Variants in COL15A1 observed in about 807,000 individuals in gnomAD.
The protein encoded by COL15A1 is collagen alpha-1(XV) chain.
COL15A1 carries 111 observed loss-of-function variants against 165.9 expected under a neutral mutation model. The observed-to-expected ratio is 0.67, with a 90% CI of 0.57 to 0.78. The LOEUF (loss-of-function observed/expected upper bound fraction) is 0.78. COL15A1 is among the 30% of genes least tolerant of loss of function. The pLI, the probability that COL15A1 is intolerant of heterozygous loss-of-function variation, is 0.00. For synonymous variants in COL15A1, 659 were observed against 674.8 expected, an observed-to-expected ratio of 0.98 and a Z score of 0.36; for missense variants, 1,745 against 1,789.7, an observed-to-expected ratio of 0.98 and a Z score of 0.45.
chr9:98,946,534 A>T (rs1258581814), intron 2 of COL15A1, among the ~76,000 whole-genome samples: 1 of 152,142 alleles, frequency 6.6e-6, no homozygotes. Context: ...TGAGAAGTAA[A>T]TTGGGCTCTG....
chr9:98,950,427 T>A (rs1477985254), intron 2 of COL15A1, among the ~76,000 whole-genome samples: 1 of 152,034 alleles, frequency 6.6e-6, no homozygotes, highest in African/African-American at 2.4e-5. Context: ...AATTCTTTCT[T>A]TCTTTCTTTT....
At chr9:99,054,086 A>C (rs12000479) in intron 31 of COL15A1, among the ~76,000 whole-genome samples, 1,690 of 152,324 alleles carry the variant, frequency 0.011, 21 homozygotes, top group African/African-American at 0.039. Flanking sequence ...CATGGTGGGC[A>C]TTCTCACAAC....
chr9:98,979,676 C>T (rs1016599016), intron 2 of COL15A1, among the ~76,000 whole-genome samples: 1 of 149,838 alleles, frequency 6.7e-6, no homozygotes. Flanking sequence ...TTTATTAGTT[C>T]TATGCAGAAC....
At chr9:99,006,249 G>A (rs1245806953) in intron 9 of COL15A1, among the ~76,000 whole-genome samples, 3 of 152,168 alleles carry the variant, frequency 2.0e-5, no homozygotes, top group Non-Finnish European at 4.4e-5. Context: ...AATGAACTTG[G>A]CAAATAGTTC....
intron 11 of COL15A1, among the ~76,000 whole-genome samples, chr9:99,019,686 C>G (rs975054730): frequency 1.3e-5 from 2 of 151,854 alleles, no homozygotes; most frequent in Non-Finnish European, 2.9e-5. Flanking sequence ...CTTCACTTCT[C>G]TCTGTCACAG....
rs1825781804 is a variant in COL15A1, at chr9:99,059,900, C to G, written c.3349C>G (p.Pro1117Ala). Residue 1117 changes from proline (P) to alanine (A), a missense_variant, in exon 36 of 42, where the codon CCA becomes GCA. By Grantham distance (27) the Pro-to-Ala change is conservative. Coordinates refer to ENST00000375001, the MANE Select transcript of COL15A1 (RefSeq NM_001855.5). ...CTGTTTTGTCTTAGCTGTGGCCCTT[C>G]CAGGTCCCCCTGGCCCTCCAGGACA... Reference protein sequence around the residue: ...PAILGAAVALPGPPGPPGQPG... With the variant: ...PAILGAAVALAGPPGPPGQPG... 1.9e-6 allele frequency: 3 copies of G among 1,613,886 alleles called. No individual in the cohort carries two copies. Among genetic ancestry groups the G allele is most frequent in the Non-Finnish European group, 2.5e-6 (3 of 1,179,932 alleles).
At chr9:99,010,309 AC>A (rs1379997864) in intron 9 of COL15A1, among the ~76,000 whole-genome samples, 1 of 152,182 alleles carries the variant, frequency 6.6e-6, no homozygotes, top group Non-Finnish European at 1.5e-5. Context: ...CCACTATGTA[AC>A]CTGCCATGAT....
At chr9:99,044,064 T>C (rs1171140430) in intron 24 of COL15A1, among the ~76,000 whole-genome samples, 1 of 152,182 alleles carries the variant, frequency 6.6e-6, no homozygotes, top group Non-Finnish European at 1.5e-5. Flanking sequence ...TACCGTCATC[T>C]CTTTCCTAAT....
chr9:98,976,560 G>C (rs991840515), intron 2 of COL15A1, among the ~76,000 whole-genome samples: 1 of 152,326 alleles, frequency 6.6e-6, no homozygotes, highest in Admixed American at 6.5e-5. Flanking sequence ...TCAGGTGATG[G>C]ATGGGCATGC....
chr9:98,988,967 A>G (rs1463096236), intron 4 of COL15A1, among the ~76,000 whole-genome samples: 1 of 151,096 alleles, frequency 6.6e-6, no homozygotes, highest in East Asian at 1.9e-4. Flanking sequence ...AAAACAAATA[A>G]CCAACCATGC....
At chr9:98,952,385 A>T (rs552070167) in intron 2 of COL15A1, among the ~76,000 whole-genome samples, 1 of 152,154 alleles carries the variant, frequency 6.6e-6, no homozygotes, top group East Asian at 1.9e-4. Flanking sequence ...TATTATATTA[A>T]TTGGATAAAA....
intron 2 of COL15A1, among the ~76,000 whole-genome samples, chr9:98,979,540 T>G (rs531067258): frequency 2.6e-4 from 39 of 152,352 alleles, no homozygotes; most frequent in African/African-American, 8.4e-4. Flanking sequence ...CTTTTGGGTA[T>G]TCATTTACTT....
intron 2 of COL15A1, among the ~76,000 whole-genome samples, chr9:98,950,604 C>T (rs564024776): frequency 3.6e-4 from 52 of 146,456 alleles, no homozygotes; most frequent in African/African-American, 1.3e-3. Flanking sequence ...CCCTCCCTCC[C>T]TCTCTCTCTT....
chr9:99,066,616 T>G (rs1239944783), intron 39 of COL15A1, among the ~76,000 whole-genome samples: 4 of 144,898 alleles, frequency 2.8e-5, no homozygotes, highest in African/African-American at 1.1e-4. Context: ...TTTTTTTTTT[T>G]TTTTTTTTCA....
chr9:99,013,955 T>C (rs78148183), intron 9 of COL15A1, among the ~76,000 whole-genome samples: 6 of 151,260 alleles, frequency 4.0e-5, no homozygotes, highest in African/African-American at 1.2e-4. Flanking sequence ...GAAGCAAGGA[T>C]AGCAAACGTG....
intron 2 of COL15A1, among the ~76,000 whole-genome samples, chr9:98,962,968 GT>G (rs2118806134): frequency 6.6e-6 from 1 of 152,330 alleles, no homozygotes; most frequent in African/African-American, 2.4e-5. Context: ...AGAAATGTGT[GT>G]GTTGATGGCC....
chr9:99,054,576 G>A lies in COL15A1; in HGVS notation c.2951G>A (p.Gly984Asp), dbSNP rs140851301. ...PGSPELITFH[G>D]VKGEKGSWGL... ...TTAACATGTATGTGTTTGGTGGCAG[G>A]TGTTAAAGGAGAGAAAGGATCCTGG... is the stretch of plus-strand genomic sequence containing the variant. The change falls in exon 32 of 42, where the codon GGT becomes GAT. Residue 984 changes from glycine to aspartate, a missense_variant and splice_region_variant. Coordinates refer to ENST00000375001, the MANE Select transcript of COL15A1 (RefSeq NM_001855.5). 6.8e-5 allele frequency: 110 copies of A among 1,610,152 alleles called. No individual in the cohort carries two copies. The East Asian group carries it at 2.4e-3, about 35-fold the overall frequency.
intron 2 of COL15A1, among the ~76,000 whole-genome samples, chr9:98,984,108 C>A (rs1401075265): frequency 6.6e-6 from 1 of 152,218 alleles, no homozygotes; most frequent in Non-Finnish European, 1.5e-5. Flanking sequence ...GGACACTGCT[C>A]GATTCTGATC....
intron 36 of COL15A1, among the ~76,000 whole-genome samples, chr9:99,060,898 C>A (rs956095902): frequency 6.6e-6 from 1 of 152,040 alleles, no homozygotes; most frequent in African/African-American, 2.4e-5. Flanking sequence ...AAAGAAAAAA[C>A]AAAACAACAA....
Sources: gnomAD v4.1 joint callset for allele counts (sites outside exome capture counted in the v4.1 genomes callset) on GRCh38, gnomAD v4.1.1 for gene constraint, MANE v1.5 for transcripts, NCBI Gene and HGNC (gene_info 2026-07-23, HGNC 2026-07-21) for gene names.